The following BOK variants were observed in gnomAD, a reference collection of about 807,000 sequenced individuals.
The protein encoded by BOK is bcl-2-related ovarian killer protein.
In BOK, 20 loss-of-function variants were observed where a neutral mutation model predicts 18.3. The observed-to-expected ratio is 1.09, with a 90% confidence interval of 0.77 to 1.59. The LOEUF is 1.59. Among genes scored for constraint, BOK ranks in the 40% most tolerant of loss-of-function variants. BOK has a pLI of 0.00. For synonymous variants in BOK, 173 were observed against 142.4 expected (o/e 1.21, Z -1.53); for missense variants, 348 against 307.9 (o/e 1.13, Z -0.97).
chr2:241,564,663 G>A (rs1251566344), intron 3 of BOK, among the ~76,000 whole-genome samples: 1 of 152,170 alleles, frequency 6.6e-6, no homozygotes, highest in Admixed American at 6.5e-5. Context: ...CTGCCGCCAG[G>A]GTGACCCAGG....
At chr2:241,561,897 TC>T (rs1430869952) in intron 2 of BOK, among the ~76,000 whole-genome samples, 1 of 151,888 alleles carries the variant, frequency 6.6e-6, no homozygotes, top group African/African-American at 2.4e-5. Flanking sequence ...GCCCAGCCCC[TC>T]CCCACGTCGG....
rs576475229 is a variant in BOK at position 241,572,379 on chromosome 2, G to A, written c.596G>A (p.Arg199His). The A allele has an allele frequency of 1.1e-5, 18 of 1,604,658 alleles. No homozygotes were observed. Among genetic ancestry groups the A allele is most frequent in the South Asian group, 7.7e-5 (7 of 90,380 alleles). Residue 199 changes from arginine to histidine, a missense_variant, in exon 5 of 5, where the codon CGC becomes CAC. By Grantham distance (29) the Arg-to-His change is conservative. Coordinates refer to ENST00000318407, the MANE Select transcript of BOK (RefSeq NM_032515.5). ...GTGGCTGCACTCTGCAGCTTCGGCC[G>A]CTTCCTGAAGGCTGCCTTCTTCGTG... ...WLVAALCSFG[R>H]FLKAAFFVLL...
chr2:241,564,896 C>G (rs942397067), intron 3 of BOK, among the ~76,000 whole-genome samples: 1 of 152,216 alleles, frequency 6.6e-6, no homozygotes, highest in African/African-American at 2.4e-5. Flanking sequence ...GGGCGCCTCC[C>G]CCTTCGGCAG....
At chr2:241,570,386 G>C (rs1486610262) in intron 4 of BOK, 98 bp downstream of exon 4, 3 of 995,072 alleles carry the variant, frequency 3.0e-6, no homozygotes, top group East Asian at 6.6e-5. Flanking sequence ...GAGCGCCTGG[G>C]GGGTGGGAGA....
intron 4 of BOK, among the ~76,000 whole-genome samples, chr2:241,571,071 C>T (rs116835083): frequency 2.7e-5 from 4 of 146,550 alleles, no homozygotes; most frequent in Non-Finnish European, 6.0e-5. Context: ...CCTGAGCACT[C>T]CTGGGGGAGA....
intron 3 of BOK, among the ~76,000 whole-genome samples, chr2:241,567,949 C>T (rs2066642030): frequency 6.6e-6 from 1 of 152,144 alleles, no homozygotes; most frequent in Non-Finnish European, 1.5e-5. Flanking sequence ...TTCCCCACCC[C>T]TCGCCCACTG....
intron 3 of BOK, among the ~76,000 whole-genome samples, chr2:241,568,985 C>T (rs546888924): frequency 4.6e-5 from 7 of 151,908 alleles, no homozygotes; most frequent in East Asian, 1.9e-4. Context: ...CTCCGGGGAC[C>T]GCTGCTAACT....
At position 241,559,616 on chromosome 2, in the gene BOK, C is replaced by T. The variant is rs776263687; in HGVS notation, c.133C>T (p.Arg45Cys). The part of the protein sequence containing the change: ...GREYVHARLL[R>C]AGLSWSAPER... Reference sequence around the variant, plus strand: ...GGAGTACGTGCACGCGCGGCTGCTGCGCGCCGGCCTCTCCTGGAGCGCGCC... The same window carrying T: ...GGAGTACGTGCACGCGCGGCTGCTGTGCGCCGGCCTCTCCTGGAGCGCGCC... Residue 45 changes from arginine (R) to cysteine (C), a missense_variant, in exon 2 of 5, where the codon CGC becomes TGC. By Grantham distance (180) the Arg-to-Cys change is radical (BLOSUM62 -3). Transcript: ENST00000318407. 2.7e-6 allele frequency: 4 copies of T among 1,472,764 alleles called. No homozygotes were observed. Among genetic ancestry groups the T allele is most frequent in the Non-Finnish European group, 3.6e-6 (4 of 1,118,716 alleles). 91.2% of individuals were successfully genotyped at this position (1,472,764 alleles called of 1,614,324 possible). A position where few individuals can be genotyped will look rare whatever the true frequency, so the allele number is the denominator to read the frequency against.
chr2:241,561,401 G>A (rs2066525415), intron 2 of BOK, among the ~76,000 whole-genome samples: 1 of 151,948 alleles, frequency 6.6e-6, no homozygotes, highest in African/African-American at 2.4e-5. Context: ...AAGAGCCCAG[G>A]TGGGAGCGTG....
intron 2 of BOK, among the ~76,000 whole-genome samples, chr2:241,561,146 T>TCTG (rs2066521365): frequency 1.3e-5 from 2 of 151,940 alleles, no homozygotes; most frequent in East Asian, 1.9e-4. Context: ...AGAGCAGCCT[T>TCTG]TATCAGCTGG....
At chr2:241,565,898 T>A (rs765413186) in intron 3 of BOK, among the ~76,000 whole-genome samples, 41 of 152,346 alleles carry the variant, frequency 2.7e-4, no homozygotes, top group Non-Finnish European at 3.7e-4. Context: ...AAGTTGGCAA[T>A]AGTGTTTATT....
chr2:241,553,558 G>A (rs2066429198), intron 1 of BOK, among the ~76,000 whole-genome samples: 1 of 152,210 alleles, frequency 6.6e-6, no homozygotes, highest in African/African-American at 2.4e-5. Flanking sequence ...TCATGGCGGA[G>A]GGCGAAGAGG....
rs969076150 is a variant in BOK, at chr2:241,559,699, C to T, written c.216C>T (p.Arg72=). Residue 72 remains arginine (R), a synonymous_variant, in exon 2 of 5, where the codon CGC becomes CGT. Coordinates refer to ENST00000318407, the MANE Select transcript of BOK (RefSeq NM_032515.5). Reference sequence around the variant, plus strand: ...CTGAGGTGTGCGCGGTGCTGCTGCGCCTGGGTGAGTGCGCCCTGGTGGGAT... The same window carrying T: ...CTGAGGTGTGCGCGGTGCTGCTGCGTCTGGGTGAGTGCGCCCTGGTGGGAT... ...RLAEVCAVLL[R]LGDELEMIRP... is the part of the protein sequence containing the mutation. The T allele has an allele frequency of 2.5e-5, 33 of 1,319,086 alleles. No individual in the cohort carries two copies. The African/African-American group carries it at 4.9e-4, about 20-fold the overall frequency. The allele number at this position is 1,319,086 out of a possible 1,614,324, so 81.7% of individuals were successfully genotyped here.
chr2:241,562,257 T>TG lies in BOK; in HGVS notation c.221-86dup. ...AGGCTGGAATTCAAGCATGGTCAGGTGGGGGTCAGGTGCAGGGTGTGCCCC... is the reference window on the plus strand; with the variant it reads ...AGGCTGGAATTCAAGCATGGTCAGGTGGGGGGTCAGGTGCAGGGTGTGCCCC... On this transcript the variant is annotated intron_variant, in intron 2 of 4. Transcript: ENST00000318407. The surrounding 1 kb of genome is among the most constrained non-coding windows in gnomAD (Gnocchi z 4.5). The TG allele has an allele frequency of 6.9e-7, 1 of 1,454,288 alleles. No homozygotes were observed. The highest frequency in any genetic ancestry group is 9.2e-7 in the Non-Finnish European group (1 of 1,089,938). 90.1% of individuals were successfully genotyped at this position (1,454,288 alleles called of 1,614,324 possible). A position where few individuals can be genotyped will look rare whatever the true frequency, so the allele number is the denominator to read the frequency against.
At chr2:241,569,953 C>A (rs1191350707) in intron 3 of BOK, among the ~76,000 whole-genome samples, 172 bp from the exon 4 acceptor site, 1 of 152,158 alleles carries the variant, frequency 6.6e-6, no homozygotes, top group African/African-American at 2.4e-5. Context: ...AACCTGCCTG[C>A]CCAAGAACTA....
intron 3 of BOK, among the ~76,000 whole-genome samples, chr2:241,563,284 C>T (rs1287604553): frequency 6.6e-6 from 1 of 152,194 alleles, no homozygotes; most frequent in East Asian, 1.9e-4. Context: ...AGTGTGGCTT[C>T]TGTCCGCTTG....
rs2066759331 is a variant in BOK, at chr2:241,573,749, A to C, written c.*1327A>C. The C allele has an allele frequency of 6.6e-6, 1 of 152,206 alleles. No homozygotes were observed. Among genetic ancestry groups the C allele is most frequent in the Non-Finnish European group, 1.5e-5 (1 of 68,036 alleles). The allele number at this position is 152,206 out of a possible 1,614,324, so 9.4% of individuals were successfully genotyped here. On this transcript the variant is annotated 3_prime_UTR_variant, in exon 5 of 5. Transcript: ENST00000318407. ...CTCATCCTCATACAACCATTTGGGG[A>C]TGTGCCTATTAGGGCTCCGTAAGAA... is the stretch of plus-strand genomic sequence containing the variant.
chr2:241,559,736 C>G, intron 2 of BOK, 33 bp downstream of exon 2: 1 of 1,284,794 alleles, frequency 7.8e-7, no homozygotes, highest in South Asian at 2.5e-5. Context: ...CCCAGCTGCG[C>G]CTCCTCCCCT....
chr2:241,568,626 C>T (rs1246866624), intron 3 of BOK, among the ~76,000 whole-genome samples: 6 of 152,060 alleles, frequency 3.9e-5, no homozygotes, highest in African/African-American at 9.7e-5. Context: ...CCATGTTGGC[C>T]GGGCTGGTCT....
Sources: allele counts gnomAD v4.1 joint callset (sites outside exome capture counted in the v4.1 genomes callset), GRCh38; gene constraint gnomAD v4.1.1; non-coding constraint Gnocchi (gnomAD v3.1); transcripts MANE v1.5; gene names NCBI Gene and HGNC (gene_info 2026-07-23, HGNC 2026-07-21).